SLC4A4: variants seen among roughly 807,000 people sequenced by gnomAD.
SLC4A4 encodes the protein electrogenic sodium bicarbonate cotransporter 1.
A neutral mutation model predicts 111.5 loss-of-function variants in SLC4A4; 27 were observed. The observed-to-expected ratio is 0.24, with a 90% CI of 0.18 to 0.33. The LOEUF (loss-of-function observed/expected upper bound fraction) is 0.33. Ranked by LOEUF, SLC4A4 falls within the 10% of genes least tolerant of loss-of-function variation. SLC4A4 has a pLI of 1.00. For synonymous variants in SLC4A4, 443 were observed against 463.4 expected (o/e 0.96, Z 0.57); for missense variants, 909 against 1,315.5 (o/e 0.69, Z 4.78).
chr4:71,163,558 A>G (rs1223320974), intron 2 of SLC4A4, among the ~76,000 whole-genome samples: 1 of 152,248 alleles, frequency 6.6e-6, no homozygotes, highest in Non-Finnish European at 1.5e-5. Flanking sequence ...GAGGCATGGT[A>G]TAGTCTAAAA....
chr4:71,242,737 A>G (rs2579359), intron 2 of SLC4A4, among the ~76,000 whole-genome samples: 138,351 of 151,190 alleles, frequency 0.92, 64,077 homozygotes, highest in East Asian at 0.99. Context: ...CTTATAATTT[A>G]GTTATTATAA....
intron 3 of SLC4A4, among the ~76,000 whole-genome samples, chr4:71,322,382 T>C (rs1727181534): frequency 6.6e-6 from 1 of 151,970 alleles, no homozygotes; most frequent in African/African-American, 2.4e-5. Context: ...GGAAGGAGAA[T>C]GTCTTCTTTT....
intron 16 of SLC4A4, among the ~76,000 whole-genome samples, chr4:71,499,185 A>G (rs924012127): frequency 6.6e-6 from 1 of 152,088 alleles, no homozygotes; most frequent in Admixed American, 6.6e-5. Flanking sequence ...ACCACCTGCC[A>G]AAGTCTGATA....
rs1355054362 is a variant in SLC4A4 at position 71,569,122 on chromosome 4, G to A, written c.*1371G>A. 1.3e-5 allele frequency: 2 copies of A among 151,708 alleles called. No individual in the cohort carries two copies. Among genetic ancestry groups the A allele is most frequent in the African/African-American group, 4.8e-5 (2 of 41,446 alleles). 9.4% of individuals were successfully genotyped at this position (151,708 alleles called of 1,614,324 possible). On this transcript the variant is annotated 3_prime_UTR_variant, in exon 26 of 26. Transcript: ENST00000264485. ...AGAGTGATGGTAGGCAGAGGGCAAAGTCATTGAATCTCTTATGCCAGTTTT... is the reference window on the plus strand; with the variant it reads ...AGAGTGATGGTAGGCAGAGGGCAAAATCATTGAATCTCTTATGCCAGTTTT...
intron 12 of SLC4A4, among the ~76,000 whole-genome samples, chr4:71,454,425 A>G (rs1262215537): frequency 1.3e-5 from 2 of 152,210 alleles, no homozygotes; most frequent in Non-Finnish European, 2.9e-5. Context: ...GAATACGAGT[A>G]GTGAATGAAG....
At chr4:71,459,147 A>G (rs552148894) in intron 12 of SLC4A4, among the ~76,000 whole-genome samples, 29 of 152,096 alleles carry the variant, frequency 1.9e-4, no homozygotes, top group Middle Eastern at 3.4e-3. Context: ...AGTAATGTGT[A>G]TTTGGTGGGT....
At chr4:71,074,160 A>G (rs185709481) in intron 1 of SLC4A4, among the ~76,000 whole-genome samples, 17 of 152,316 alleles carry the variant, frequency 1.1e-4, no homozygotes, top group Non-Finnish European at 1.5e-5. Context: ...AAGTTTAGTG[A>G]CATCATTTAT....
At chr4:71,086,132 T>C (rs1742159926) in intron 1 of SLC4A4, among the ~76,000 whole-genome samples, 1 of 151,316 alleles carries the variant, frequency 6.6e-6, no homozygotes, top group African/African-American at 2.4e-5. Context: ...CCCTTGTAAG[T>C]TGGATTCCTA....
intron 5 of SLC4A4, among the ~76,000 whole-genome samples, chr4:71,351,004 C>A (rs560271704): frequency 2.0e-5 from 3 of 152,118 alleles, no homozygotes; most frequent in Admixed American, 2.0e-4. Context: ...AAGGATAATA[C>A]GGCAGTTTAG....
At chr4:71,364,130 C>T (rs145559116) in intron 6 of SLC4A4, among the ~76,000 whole-genome samples, 68 of 152,272 alleles carry the variant, frequency 4.5e-4, no homozygotes, top group African/African-American at 1.6e-3. Flanking sequence ...GGAGATAAAA[C>T]TCAAGTGGGT....
chr4:71,381,405 C>T (rs1718128742), intron 6 of SLC4A4, among the ~76,000 whole-genome samples: 1 of 152,164 alleles, frequency 6.6e-6, no homozygotes, highest in African/African-American at 2.4e-5. Flanking sequence ...GGCACTTCCT[C>T]TTACCCAGAT....
chr4:71,545,981 G>A (rs572322676), intron 18 of SLC4A4, among the ~76,000 whole-genome samples: 21 of 152,148 alleles, frequency 1.4e-4, no homozygotes, highest in Admixed American at 5.2e-4. Context: ...CTTTGCCTGT[G>A]TTACTTCATT....
intron 12 of SLC4A4, among the ~76,000 whole-genome samples, chr4:71,455,320 T>G (rs186803240): frequency 6.6e-6 from 1 of 152,236 alleles, no homozygotes; most frequent in East Asian, 1.9e-4. Flanking sequence ...AGAGATGAAA[T>G]AGACAGAGCA....
chr4:71,510,235 G>T (rs1731791803), intron 16 of SLC4A4, among the ~76,000 whole-genome samples: 1 of 152,200 alleles, frequency 6.6e-6, no homozygotes, highest in Non-Finnish European at 1.5e-5. Context: ...CCAGCAAGAA[G>T]ATAGTGTGAC....
In SLC4A4 at chr4:71,252,982, G is replaced by A. The variant is rs539981480; in HGVS notation, c.74-2238G>A. Among the ~76,000 whole-genome samples, 3 of 152,236 alleles carry A rather than the reference G, an allele frequency of 2.0e-5. No individual in the cohort carries two copies. The East Asian group carries it at 5.8e-4, about 29-fold the overall frequency. On this transcript the variant is annotated intron_variant, in intron 2 of 25. Transcript: ENST00000264485. Reference sequence around the variant, plus strand: ...AACAACATTTCTGCTTGACCTCTGGGCACCATAGCACTTCACAGTGCAGTG... The same window carrying A: ...AACAACATTTCTGCTTGACCTCTGGACACCATAGCACTTCACAGTGCAGTG...
intron 6 of SLC4A4, among the ~76,000 whole-genome samples, chr4:71,393,299 C>G (rs1161677870): frequency 6.6e-6 from 1 of 152,024 alleles, no homozygotes; most frequent in East Asian, 1.9e-4. Flanking sequence ...CTAGAACTAA[C>G]AAAAGATTTC....
chr4:71,511,420 A>G (rs1017534594), intron 16 of SLC4A4, among the ~76,000 whole-genome samples: 9 of 150,878 alleles, frequency 6.0e-5, no homozygotes, highest in Admixed American at 1.3e-4. Context: ...TTTTTGTTTT[A>G]TTTTGGAGAT....
chr4:71,421,145 A>G (rs1367547747), intron 7 of SLC4A4, among the ~76,000 whole-genome samples: 1 of 151,544 alleles, frequency 6.6e-6, no homozygotes, highest in African/African-American at 2.4e-5. Context: ...AGGAAGATCT[A>G]CCAAGCAAAT....
chr4:71,499,236 A>G (rs1054282874), intron 16 of SLC4A4, among the ~76,000 whole-genome samples: 2 of 152,176 alleles, frequency 1.3e-5, no homozygotes, highest in African/African-American at 4.8e-5. Flanking sequence ...AAATTTGTGA[A>G]GCACTTATAA....
Sources: allele counts gnomAD v4.1 joint callset (sites outside exome capture counted in the v4.1 genomes callset), GRCh38; gene constraint gnomAD v4.1.1; transcripts MANE v1.5; gene names NCBI Gene and HGNC (gene_info 2026-07-23, HGNC 2026-07-21).